The following MTUS2 variants were observed in gnomAD, a reference collection of about 807,000 sequenced individuals.
MTUS2 encodes the protein microtubule-associated tumor suppressor candidate 2.
Under a neutral mutation model 114.1 loss-of-function variants are expected in MTUS2, and 40 were observed. That is an observed-to-expected ratio of 0.35 (90% CI 0.27 to 0.46). The LOEUF is 0.46. MTUS2 is among the 20% of genes least tolerant of loss of function. The pLI is 1.00. For missense variants in MTUS2, 1,679 were observed against 1,705.4 expected, an observed-to-expected ratio of 0.98 and a Z score of 0.27; for synonymous variants, 688 against 672.0, an observed-to-expected ratio of 1.02 and a Z score of -0.37.
At chr13:29,207,565 A>G (rs753102117) in intron 5 of MTUS2, among the ~76,000 whole-genome samples, 1 of 152,340 alleles carries the variant, frequency 6.6e-6, no homozygotes, top group Admixed American at 6.5e-5. Context: ...TGGGACTGTC[A>G]TAGATGGCTT....
At chr13:29,122,119 C>T (rs530103432) in intron 5 of MTUS2, among the ~76,000 whole-genome samples, 1 of 152,046 alleles carries the variant, frequency 6.6e-6, no homozygotes, top group Non-Finnish European at 1.5e-5. Context: ...TTTACTGATG[C>T]AAAAACAGCC....
intron 8 of MTUS2, among the ~76,000 whole-genome samples, chr13:29,407,729 G>A (rs911298849): frequency 3.3e-5 from 5 of 151,888 alleles, no homozygotes; most frequent in East Asian, 1.9e-4. Context: ...TTCACCTGCC[G>A]CAGCCTCCCA....
chr13:29,180,848 C>T (rs1352453003), intron 5 of MTUS2, among the ~76,000 whole-genome samples: 2 of 152,114 alleles, frequency 1.3e-5, no homozygotes, highest in Non-Finnish European at 2.9e-5. Context: ...ACTCATGCCC[C>T]GTCTTCTGAA....
intron 8 of MTUS2, among the ~76,000 whole-genome samples, chr13:29,367,268 C>T (rs919763435): frequency 7.2e-5 from 11 of 152,062 alleles, no homozygotes; most frequent in African/African-American, 2.7e-4. Context: ...GGAATTGGGC[C>T]TTCCGGGACA....
intron 2 of MTUS2, among the ~76,000 whole-genome samples, chr13:28,863,510 C>A (rs1257406274): frequency 8.5e-5 from 13 of 152,172 alleles, no homozygotes; most frequent in Non-Finnish European, 1.9e-4. Flanking sequence ...AACACCGTTT[C>A]TTTCTGCTCC....
intron 2 of MTUS2, among the ~76,000 whole-genome samples, chr13:28,978,291 A>G (rs1202285234): frequency 6.6e-6 from 1 of 152,234 alleles, no homozygotes; most frequent in African/African-American, 2.4e-5. Flanking sequence ...TAGTTCTACA[A>G]AACAGTTCAT....
chr13:29,469,414 G>A (rs749642594), intron 9 of MTUS2, among the ~76,000 whole-genome samples: 2 of 152,114 alleles, frequency 1.3e-5, no homozygotes, highest in Non-Finnish European at 2.9e-5. Flanking sequence ...GGATCACGAG[G>A]TCAGGAGTGG....
chr13:29,253,962 C>G (rs1381021013), intron 5 of MTUS2, among the ~76,000 whole-genome samples: 1 of 152,212 alleles, frequency 6.6e-6, no homozygotes, highest in Admixed American at 6.5e-5. Context: ...CACTGAGTCC[C>G]TCCCACAACA....
chr13:29,008,228 C>G lies in MTUS2; in HGVS notation c.-242-16229C>G, dbSNP rs77507255. Among the ~76,000 whole-genome samples the G allele has an allele frequency of 1.5e-3, 231 of 152,268 alleles. 5 individuals carry two copies. The East Asian group carries it at 0.039, about 26-fold the overall frequency. ...CCATCTCCTGCCCTGAGGGGAAAAG[C>G]CTGCAGGGCTTTCCTCTGGAAGGTT... On this transcript the variant is annotated intron_variant, in intron 2 of 15. Coordinates refer to ENST00000612955, the MANE Select transcript of MTUS2 (RefSeq NM_001033602.4).
At chr13:29,429,382 C>G (rs911796453) in intron 8 of MTUS2, among the ~76,000 whole-genome samples, 4 of 152,186 alleles carry the variant, frequency 2.6e-5, no homozygotes, top group African/African-American at 9.7e-5. Context: ...GAAGAAAGCA[C>G]ACAGTATAGT....
At chr13:29,455,187 C>T (rs1231843821) in intron 9 of MTUS2, among the ~76,000 whole-genome samples, 1 of 152,182 alleles carries the variant, frequency 6.6e-6, no homozygotes, top group African/African-American at 2.4e-5. Flanking sequence ...GGGGTGAGCA[C>T]TGGACAGGAG....
chr13:29,340,142 C>A (rs1901317905), intron 7 of MTUS2, among the ~76,000 whole-genome samples: 1 of 152,194 alleles, frequency 6.6e-6, no homozygotes, highest in African/African-American at 2.4e-5. Flanking sequence ...GAATTCGGGA[C>A]ATCACGGGGT....
rs573356096 is a variant in MTUS2 at position 29,025,530 on chromosome 13, G to A, written c.832G>A (p.Ala278Thr). The A allele has an allele frequency of 4.7e-5, 76 of 1,613,632 alleles. No homozygotes were observed. Among genetic ancestry groups the A allele is most frequent in the East Asian group, 6.7e-5 (3 of 44,854 alleles). Residue 278 changes from alanine (A) to threonine (T), a missense_variant, in exon 3 of 16, where the codon GCC becomes ACC. Physicochemically the swap from Ala to Thr is moderately conservative, Grantham distance 58. Around this residue, in one of 3 missense-constraint regions of MTUS2, gnomAD observed 843 missense variants for 770.8 expected, o/e 1.09. Transcript: ENST00000612955. ...QVCSEHTSHS[A>T]HPEPALNLTL... The stretch of plus-strand genomic sequence containing the variant: ...GTGCAGTGAGCACACATCACATTCC[G>A]CCCATCCAGAGCCTGCTCTGAATTT...
chr13:29,339,586 TG>T (rs576063982), intron 7 of MTUS2: 4 of 155,924 alleles, frequency 2.6e-5, no homozygotes, highest in South Asian at 1.9e-4. Context: ...GCGGACGGGC[TG>T]GGGGGTGCCG....
At chr13:29,282,009 T>C in intron 6 of MTUS2, 144 bp downstream of exon 6, 1 of 882,610 alleles carries the variant, frequency 1.1e-6, no homozygotes, top group Non-Finnish European at 1.6e-6. Flanking sequence ...TACCACTGCT[T>C]TTAAGGCACT....
chr13:29,016,018 C>T (rs1161293546), intron 2 of MTUS2, among the ~76,000 whole-genome samples: 2 of 152,100 alleles, frequency 1.3e-5, no homozygotes, highest in African/African-American at 4.8e-5. Flanking sequence ...AATTCTCCTA[C>T]CTCAGCCTCC....
intron 5 of MTUS2, among the ~76,000 whole-genome samples, chr13:29,136,137 G>A (rs1482481474): frequency 1.3e-5 from 2 of 152,166 alleles, no homozygotes; most frequent in East Asian, 3.8e-4. Flanking sequence ...TCAAGTTACT[G>A]TCTAATGTCC....
chr13:29,425,338 G>A (rs1052510961), intron 8 of MTUS2, among the ~76,000 whole-genome samples: 3 of 152,154 alleles, frequency 2.0e-5, no homozygotes, highest in African/African-American at 7.2e-5. Context: ...CCTGGGAGGC[G>A]GAGTTTGCAT....
intron 9 of MTUS2, among the ~76,000 whole-genome samples, chr13:29,465,174 A>C (rs1263924454): frequency 6.6e-6 from 1 of 152,246 alleles, no homozygotes; most frequent in African/African-American, 2.4e-5. Context: ...AGCCATCAAC[A>C]GTGAATGCCT....
Sources: allele counts gnomAD v4.1 joint callset (sites outside exome capture counted in the v4.1 genomes callset), GRCh38; gene constraint gnomAD v4.1.1; regional missense constraint gnomAD v4.1.1; transcripts MANE v1.5; gene names NCBI Gene and HGNC (gene_info 2026-07-23, HGNC 2026-07-21).